Variants in XRN2 observed in about 807,000 individuals in gnomAD.
The protein encoded by XRN2 is DHM1-like protein.
In XRN2, 44 loss-of-function variants were observed where a neutral mutation model predicts 138.5. That is an observed-to-expected ratio of 0.32 (90% confidence interval 0.25 to 0.41). The LOEUF (loss-of-function observed/expected upper bound fraction) is 0.41, where lower values mean the gene tolerates loss of function less well. XRN2 is among the 10% of genes least tolerant of loss of function. XRN2 has a pLI of 1.00. For synonymous variants in XRN2, 354 were observed against 369.4 expected (o/e 0.96, Z 0.48); for missense variants, 937 against 1,169.3 (o/e 0.80, Z 2.90).
chr20:21,321,816 C>T (rs1195258268), intron 1 of XRN2, among the ~76,000 whole-genome samples: 2 of 152,102 alleles, frequency 1.3e-5, no homozygotes, highest in East Asian at 3.9e-4. Context: ...GGGAGCAGGT[C>T]GTTGAAGCTC....
intron 14 of XRN2, among the ~76,000 whole-genome samples, chr20:21,340,184 A>T (rs1408371635): frequency 1.3e-5 from 2 of 152,068 alleles, no homozygotes; most frequent in Non-Finnish European, 2.9e-5. Flanking sequence ...AATCCCAGCT[A>T]CTCGGGAGGC....
At position 21,305,440 on chromosome 20, in the gene XRN2, A is replaced by C. The variant is rs549602633; in HGVS notation, c.75+1967A>C. Among the ~76,000 whole-genome samples, 17 of 150,190 alleles carry C rather than the reference A, an allele frequency of 1.1e-4. No individual in the cohort carries two copies. The South Asian group carries it at 2.4e-3, about 21-fold the overall frequency. The stretch of plus-strand genomic sequence containing the variant: ...CGCCCAGCTGATTTTTTTTTAGTAG[A>C]GACGGAGTTTTGCCATGTTGGTCAG... On this transcript the variant is annotated intron_variant, in intron 1 of 29. Transcript: ENST00000377191.
intron 24 of XRN2, among the ~76,000 whole-genome samples, chr20:21,362,940 A>T (rs1343585147): frequency 3.3e-5 from 5 of 152,134 alleles, no homozygotes; most frequent in Non-Finnish European, 7.4e-5. Flanking sequence ...CCCATTGAGA[A>T]GGGCTGCTCC....
chr20:21,343,325 TA>T (rs2038395593), intron 15 of XRN2, among the ~76,000 whole-genome samples: 1 of 152,020 alleles, frequency 6.6e-6, no homozygotes. Flanking sequence ...ATATGTTAAT[TA>T]AAATTAACGT....
At chr20:21,303,787 A>G (rs2037774271) in intron 1 of XRN2, 2 of 1,124,576 alleles carry the variant, frequency 1.8e-6, no homozygotes, top group Non-Finnish European at 2.2e-6. Flanking sequence ...TTTCCTCTCC[A>G]GACCGCGCAT....
intron 29 of XRN2, among the ~76,000 whole-genome samples, chr20:21,388,798 A>G (rs1404656883): frequency 1.3e-5 from 2 of 152,226 alleles, no homozygotes; most frequent in African/African-American, 4.8e-5. Context: ...AAGCCCTACT[A>G]TTTGTTGCTA....
At position 21,363,618 on chromosome 20, in the gene XRN2, T is replaced by G. The variant is rs200302346; in HGVS notation, c.2256-1803T>G. Among the ~76,000 whole-genome samples, 6 of 152,214 alleles carry G rather than the reference T, an allele frequency of 3.9e-5. No individual in the cohort carries two copies. The East Asian group carries it at 1.2e-3, about 29-fold the overall frequency. On this transcript the variant is annotated intron_variant, in intron 24 of 29. Coordinates refer to ENST00000377191, the MANE Select transcript of XRN2 (RefSeq NM_012255.5). The stretch of plus-strand genomic sequence containing the variant: ...AAGTATTGTTCAGCTGTTGAGCTTA[T>G]GGTATATTTATTGTAAGTGAATCCA...
intron 27 of XRN2, among the ~76,000 whole-genome samples, chr20:21,378,565 T>G (rs2038850305): frequency 6.6e-6 from 1 of 152,208 alleles, no homozygotes; most frequent in Non-Finnish European, 1.5e-5. Flanking sequence ...ATAACCAGAC[T>G]AAATGAATTT....
chr20:21,353,498 GA>G (rs869225621), intron 20 of XRN2, among the ~76,000 whole-genome samples: 32 of 145,278 alleles, frequency 2.2e-4, no homozygotes, highest in Admixed American at 5.5e-4. Context: ...AACTTAAAAA[GA>G]AAAAAAAAAG....
chr20:21,314,692 C>T (rs2037933598), intron 1 of XRN2, among the ~76,000 whole-genome samples: 1 of 151,756 alleles, frequency 6.6e-6, no homozygotes, highest in Non-Finnish European at 1.5e-5. Flanking sequence ...CTCTGTGTTG[C>T]CTACTGGTCT....
At chr20:21,303,509 C>G in intron 1 of XRN2, 36 bp downstream of exon 1, 1 of 1,533,218 alleles carries the variant, frequency 6.5e-7, no homozygotes, top group Non-Finnish European at 8.8e-7. Context: ...CACTCGAGCC[C>G]GGGCCCCCGG....
At chr20:21,347,595 A>G (rs771923736) in intron 17 of XRN2, among the ~76,000 whole-genome samples, 4 of 152,226 alleles carry the variant, frequency 2.6e-5, no homozygotes, top group Non-Finnish European at 4.4e-5. Flanking sequence ...TCTCTTTCCT[A>G]TGAGTATAAC....
intron 26 of XRN2, among the ~76,000 whole-genome samples, chr20:21,366,284 G>T (rs1377671077): frequency 7.0e-6 from 1 of 143,218 alleles, no homozygotes; most frequent in South Asian, 2.2e-4. Context: ...ACGGTGGCTC[G>T]CTCCTGTAAT....
intron 27 of XRN2, among the ~76,000 whole-genome samples, chr20:21,369,202 A>C (rs542288538): frequency 6.6e-6 from 1 of 152,298 alleles, no homozygotes; most frequent in South Asian, 2.1e-4. Flanking sequence ...CATGTAACAT[A>C]ACGACCTCCG....
intron 28 of XRN2, among the ~76,000 whole-genome samples, chr20:21,382,781 A>G (rs911452640): frequency 1.3e-5 from 2 of 152,230 alleles, no homozygotes; most frequent in African/African-American, 4.8e-5. Context: ...ACGACAAGAC[A>G]ACTAGGCACA....
intron 13 of XRN2, among the ~76,000 whole-genome samples, chr20:21,338,603 A>C (rs1331040522): frequency 6.6e-6 from 1 of 152,160 alleles, no homozygotes; most frequent in Non-Finnish European, 1.5e-5. Context: ...AGTCTAATTA[A>C]ATTGTCTTGC....
At chr20:21,341,867 T>C (rs1204081259) in intron 15 of XRN2, among the ~76,000 whole-genome samples, 2 of 152,064 alleles carry the variant, frequency 1.3e-5, no homozygotes, top group African/African-American at 4.8e-5. Flanking sequence ...TTTTTAAATC[T>C]TGGGAGGCAG....
chr20:21,327,169 G>T (rs1600682050), intron 3 of XRN2, among the ~76,000 whole-genome samples: 1 of 152,142 alleles, frequency 6.6e-6, no homozygotes. Context: ...TTTGAATTGA[G>T]AAGGGAAGTA....
intron 1 of XRN2, among the ~76,000 whole-genome samples, chr20:21,314,324 A>T (rs1394038448): frequency 1.3e-5 from 2 of 152,182 alleles, no homozygotes; most frequent in African/African-American, 4.8e-5. Context: ...CATTTTGTTC[A>T]TCCATTTGTC....
Sources: allele counts gnomAD v4.1 joint callset (sites outside exome capture counted in the v4.1 genomes callset), GRCh38; gene constraint gnomAD v4.1.1; transcripts MANE v1.5; gene names NCBI Gene and HGNC (gene_info 2026-07-23, HGNC 2026-07-21).